The following CDH18 variants were observed in gnomAD, a reference collection of about 807,000 sequenced individuals.
CDH18 encodes the protein cadherin-18.
A neutral mutation model predicts 67.9 loss-of-function variants in CDH18; 31 were observed. The ratio of observed to expected loss-of-function variants is 0.46; its 90% CI spans 0.34 to 0.62. The LOEUF is 0.62. Among genes scored for constraint, CDH18 ranks in the 20% least tolerant of loss-of-function variants. The probability of loss-of-function intolerance (pLI) is 0.01; values close to 1 mark genes in which losing one functional copy is unlikely to be tolerated. For synonymous variants in CDH18, 362 were observed against 347.2 expected (o/e 1.04, Z -0.48); for missense variants, 890 against 975.5 (o/e 0.91, Z 1.17).
chr5:20,207,846 C>G (rs1740033586), intron 2 of CDH18, among the ~76,000 whole-genome samples: 1 of 152,034 alleles, frequency 6.6e-6, no homozygotes, highest in African/African-American at 2.4e-5. Context: ...TACAAAGACC[C>G]TGAATAGTCA....
intron 6 of CDH18, among the ~76,000 whole-genome samples, chr5:19,594,805 G>A (rs1025575751): frequency 2.6e-5 from 4 of 152,070 alleles, no homozygotes; most frequent in African/African-American, 9.7e-5. Flanking sequence ...ATGTAGTATA[G>A]ACATTTTATG....
At chr5:20,449,563 AC>A (rs1483779719) in intron 1 of CDH18, among the ~76,000 whole-genome samples, 1 of 151,904 alleles carries the variant, frequency 6.6e-6, no homozygotes, top group African/African-American at 2.4e-5. Context: ...AAAATATAAT[AC>A]CCCCTTTCGT....
chr5:20,318,241 T>G (rs1737652017), intron 1 of CDH18, among the ~76,000 whole-genome samples: 2 of 152,156 alleles, frequency 1.3e-5, no homozygotes, highest in East Asian at 1.9e-4. Context: ...TAGGTTTATT[T>G]TTATTGTTTA....
At chr5:19,488,101 G>T (rs1475646568) in intron 11 of CDH18, among the ~76,000 whole-genome samples, 4 of 151,894 alleles carry the variant, frequency 2.6e-5, no homozygotes, top group Non-Finnish European at 5.9e-5. Context: ...TCATTTTTTT[G>T]TTCAATAGTT....
At chr5:19,698,587 G>C (rs1561078326) in intron 5 of CDH18, among the ~76,000 whole-genome samples, 1 of 151,848 alleles carries the variant, frequency 6.6e-6, no homozygotes, top group African/African-American at 2.4e-5. Flanking sequence ...ATTATAAGTA[G>C]ATAGAATGTT....
At chr5:20,522,855 A>G (rs1056357137) in intron 1 of CDH18, among the ~76,000 whole-genome samples, 1 of 152,226 alleles carries the variant, frequency 6.6e-6, no homozygotes, top group Non-Finnish European at 1.5e-5. Context: ...TGTAAAGCAC[A>G]TTGAGGAATA....
chr5:19,669,172 CATA>C (rs200076137), intron 5 of CDH18, among the ~76,000 whole-genome samples: 1,462 of 143,760 alleles, frequency 0.01, 20 homozygotes, highest in African/African-American at 0.034. Flanking sequence ...TCATATATAT[CATA>C]ATAATACAAT....
At chr5:19,932,072 G>A (rs1368445840) in intron 2 of CDH18, among the ~76,000 whole-genome samples, 1 of 151,738 alleles carries the variant, frequency 6.6e-6, no homozygotes, top group Non-Finnish European at 1.5e-5. Flanking sequence ...GAACATGTAT[G>A]AACTAAAAGA....
intron 1 of CDH18, among the ~76,000 whole-genome samples, chr5:20,407,769 C>A (rs1466121362): frequency 6.6e-6 from 1 of 151,272 alleles, no homozygotes; most frequent in East Asian, 1.9e-4. Flanking sequence ...ACTTATTGGA[C>A]ATCATCAAGG....
At chr5:20,398,068 A>G (rs940032496) in intron 1 of CDH18, among the ~76,000 whole-genome samples, 2 of 152,210 alleles carry the variant, frequency 1.3e-5, no homozygotes, top group Admixed American at 6.5e-5. Flanking sequence ...CTACCACACC[A>G]TACCTTATGG....
chr5:20,052,257 C>A (rs755791140), intron 2 of CDH18, among the ~76,000 whole-genome samples: 21 of 152,034 alleles, frequency 1.4e-4, no homozygotes, highest in Non-Finnish European at 2.6e-4. Flanking sequence ...CATGGCATGT[C>A]AGGACCGTAG....
chr5:20,221,269 A>C (rs1484005313), intron 2 of CDH18, among the ~76,000 whole-genome samples: 1 of 152,132 alleles, frequency 6.6e-6, no homozygotes, highest in African/African-American at 2.4e-5. Context: ...ACAATGGAGC[A>C]TTATTCAGCC....
chr5:20,205,088 A>T (rs1739776485), intron 2 of CDH18, among the ~76,000 whole-genome samples: 1 of 151,994 alleles, frequency 6.6e-6, no homozygotes. Flanking sequence ...TGATGGACTC[A>T]GTTATTCAGT....
At chr5:20,275,586 TA>T (rs1745747969) in intron 1 of CDH18, among the ~76,000 whole-genome samples, 1 of 152,190 alleles carries the variant, frequency 6.6e-6, no homozygotes, top group Non-Finnish European at 1.5e-5. Context: ...AATAATCAAT[TA>T]TTTTTTGTGT....
intron 2 of CDH18, among the ~76,000 whole-genome samples, chr5:20,145,143 A>T (rs1296457196): frequency 6.6e-6 from 1 of 152,272 alleles, no homozygotes; most frequent in East Asian, 1.9e-4. Context: ...AAAAAAATCT[A>T]GCCCTTTTTT....
In CDH18 at chr5:19,501,144, A is replaced by AAT. The variant is rs200392216; in HGVS notation, c.1630+1846_1630+1847dup. Among the ~76,000 whole-genome samples the AAT allele has an allele frequency of 2.6e-4, 39 of 148,926 alleles. No homozygotes were observed. The East Asian group carries it at 7.0e-3, about 27-fold the overall frequency. On this transcript the variant is annotated intron_variant, in intron 11 of 12. Coordinates refer to ENST00000382275, the MANE Select transcript of CDH18 (RefSeq NM_004934.5). ...GGGAAACTCTATCTCAATATATACA[A>AAT]ATATATATAATTACATTTACATATA...
chr5:19,798,163 T>A (rs1393607373), intron 3 of CDH18, among the ~76,000 whole-genome samples: 3 of 152,010 alleles, frequency 2.0e-5, no homozygotes, highest in Non-Finnish European at 4.4e-5. Context: ...AACATTATTA[T>A]ACAATTTAAT....
At chr5:19,987,349 C>T (rs1324343950) in intron 1 of CDH18, among the ~76,000 whole-genome samples, 2 of 151,732 alleles carry the variant, frequency 1.3e-5, no homozygotes, top group Admixed American at 6.6e-5. Context: ...ATAATAGTTA[C>T]TTCCACACTA....
intron 3 of CDH18, among the ~76,000 whole-genome samples, chr5:19,800,378 T>C (rs549688853): frequency 2.0e-5 from 3 of 152,170 alleles, no homozygotes; most frequent in Non-Finnish European, 4.4e-5. Flanking sequence ...AAAAAATGTA[T>C]GTAATTTTTT....
Sources: gnomAD v4.1 joint callset for allele counts (sites outside exome capture counted in the v4.1 genomes callset) on GRCh38, gnomAD v4.1.1 for gene constraint, MANE v1.5 for transcripts, NCBI Gene and HGNC (gene_info 2026-07-23, HGNC 2026-07-21) for gene names.